Variants in CDH20 observed in about 807,000 individuals in gnomAD.
The protein encoded by CDH20 is cadherin-20.
Under a neutral mutation model 74.2 loss-of-function variants are expected in CDH20, and 29 were observed. The observed-to-expected ratio is 0.39, with a 90% CI of 0.29 to 0.53. CDH20 has a LOEUF of 0.53. CDH20 is among the 20% of genes least tolerant of loss of function. The pLI is 0.69. For missense variants in CDH20, 988 were observed against 1,048.3 expected (o/e 0.94, Z 0.79); for synonymous variants, 469 against 405.4 (o/e 1.16, Z -1.88).
intron 1 of CDH20, among the ~76,000 whole-genome samples, chr18:61,372,025 A>G (rs1426584615): frequency 6.6e-6 from 1 of 152,120 alleles, no homozygotes; most frequent in Non-Finnish European, 1.5e-5. Flanking sequence ...TCACTGTAGT[A>G]AAAACATGAG....
chr18:61,491,998 A>G (rs1010028755), intron 2 of CDH20, among the ~76,000 whole-genome samples: 2 of 151,854 alleles, frequency 1.3e-5, no homozygotes, highest in African/African-American at 4.8e-5. Context: ...TGGACTCGCC[A>G]CCTCTGCAGT....
intron 1 of CDH20, among the ~76,000 whole-genome samples, chr18:61,341,081 C>G (rs1018968828): frequency 2.6e-5 from 4 of 152,178 alleles, no homozygotes; most frequent in African/African-American, 9.7e-5. Context: ...GAGAAACTAA[C>G]TGGGTGATAC....
intron 6 of CDH20, among the ~76,000 whole-genome samples, chr18:61,515,133 T>C (rs957366885): frequency 6.6e-6 from 1 of 152,070 alleles, no homozygotes; most frequent in African/African-American, 2.4e-5. Context: ...CTCAGACTGT[T>C]GTGCTAGCAA....
At chr18:61,518,056 G>A (rs1912067926) in intron 6 of CDH20, among the ~76,000 whole-genome samples, 1 of 152,150 alleles carries the variant, frequency 6.6e-6, no homozygotes, top group South Asian at 2.1e-4. Context: ...ACGGTACCTA[G>A]ACTGCCTCTC....
chr18:61,372,989 G>C (rs1911093955), intron 1 of CDH20, among the ~76,000 whole-genome samples: 1 of 152,092 alleles, frequency 6.6e-6, no homozygotes, highest in African/African-American at 2.4e-5. Context: ...GGACCAAAAG[G>C]AGGCTGAATG....
chr18:61,457,661 T>C (rs1370316451), intron 1 of CDH20, among the ~76,000 whole-genome samples: 1 of 152,204 alleles, frequency 6.6e-6, no homozygotes. Flanking sequence ...GGATCAAATA[T>C]GATGGAAGGA....
intron 1 of CDH20, among the ~76,000 whole-genome samples, chr18:61,469,822 C>T (rs1910100244): frequency 6.6e-6 from 1 of 152,152 alleles, no homozygotes; most frequent in South Asian, 2.1e-4. Context: ...CATACACATA[C>T]ATACACACAT....
At chr18:61,465,300 C>T (rs941736843) in intron 1 of CDH20, among the ~76,000 whole-genome samples, 15 of 152,292 alleles carry the variant, frequency 9.8e-5, no homozygotes, top group Admixed American at 7.8e-4. Context: ...AATCTATTAA[C>T]TCTAGTCATT....
At chr18:61,530,753 A>C (rs1912609672) in intron 7 of CDH20, among the ~76,000 whole-genome samples, 1 of 152,194 alleles carries the variant, frequency 6.6e-6, no homozygotes, top group Non-Finnish European at 1.5e-5. Flanking sequence ...GGCAGGCAGG[A>C]TACTGAGCCA....
Position 61,555,083 on chromosome 18 carries a change from T to C in CDH20, c.*388T>C. ...GATGCCAATTGAAAGCAGAAAGTTC[T>C]ACTCTCGTATCTGTTTTTTATCTTA... On this transcript the variant is annotated 3_prime_UTR_variant, in exon 12 of 12. Coordinates refer to ENST00000262717, the MANE Select transcript of CDH20 (RefSeq NM_031891.4). The C allele has an allele frequency of 9.6e-7, 1 of 1,044,622 alleles. No homozygotes were observed. The highest frequency in any genetic ancestry group is 1.2e-6 in the Non-Finnish European group (1 of 867,732). The allele number at this position is 1,044,622 out of a possible 1,614,324, so 64.7% of individuals were successfully genotyped here.
intron 1 of CDH20, among the ~76,000 whole-genome samples, chr18:61,339,911 C>T (rs987617947): frequency 1.3e-5 from 2 of 151,770 alleles, no homozygotes; most frequent in Admixed American, 6.6e-5. Context: ...AGGATGGTCT[C>T]GATCTGCTGA....
At chr18:61,448,086 G>T (rs1358218397) in intron 1 of CDH20, among the ~76,000 whole-genome samples, 2 of 152,182 alleles carry the variant, frequency 1.3e-5, no homozygotes, top group African/African-American at 4.8e-5. Flanking sequence ...TGAAGGTAAA[G>T]CTACCAAATA....
At chr18:61,443,887 C>T (rs1909111415) in intron 1 of CDH20, among the ~76,000 whole-genome samples, 1 of 152,060 alleles carries the variant, frequency 6.6e-6, no homozygotes, top group Admixed American at 6.6e-5. Flanking sequence ...GAGTACAACA[C>T]TGGTAGGGAT....
At chr18:61,352,525 T>C (rs1910340107) in intron 1 of CDH20, among the ~76,000 whole-genome samples, 1 of 152,230 alleles carries the variant, frequency 6.6e-6, no homozygotes, top group Non-Finnish European at 1.5e-5. Context: ...GTACTAATTA[T>C]TACAGCATTC....
At chr18:61,542,066 G>T (rs1025988883) in intron 9 of CDH20, among the ~76,000 whole-genome samples, 1 of 152,148 alleles carries the variant, frequency 6.6e-6, no homozygotes, top group Non-Finnish European at 1.5e-5. Context: ...CAATACGCAG[G>T]CCAGATATTC....
chr18:61,496,609 G>T (rs933991663), intron 2 of CDH20, among the ~76,000 whole-genome samples: 1 of 152,140 alleles, frequency 6.6e-6, no homozygotes, highest in African/African-American at 2.4e-5. Flanking sequence ...TGCCGCTGTC[G>T]CTGTCGTTTC....
At position 61,527,858 on chromosome 18, in the gene CDH20, T is replaced by C. The variant is rs1395610843; in HGVS notation, c.1018-109T>C. 8 of 999,942 alleles carry C rather than the reference T, an allele frequency of 8.0e-6. No homozygotes were observed. The East Asian group carries it at 1.4e-4, about 18-fold the overall frequency. The allele number at this position is 999,942 out of a possible 1,614,324, so 61.9% of individuals were successfully genotyped here. A position where few individuals can be genotyped will look rare whatever the true frequency, so the allele number is the denominator to read the frequency against. On this transcript the variant is annotated intron_variant, in intron 6 of 11. Coordinates refer to ENST00000262717, the MANE Select transcript of CDH20 (RefSeq NM_031891.4). ...GTTTACCTTTTTCCCACTTAATGAA[T>C]TGGAGAATCTTCCCACCAGCCATCA...
chr18:61,433,271 G>A (rs531416624), intron 1 of CDH20, among the ~76,000 whole-genome samples: 12 of 152,142 alleles, frequency 7.9e-5, no homozygotes, highest in Non-Finnish European at 1.3e-4. Context: ...ACTAATATGT[G>A]TTTAGTCAAA....
intron 1 of CDH20, among the ~76,000 whole-genome samples, chr18:61,385,583 G>A (rs996340101): frequency 7.0e-6 from 1 of 141,928 alleles, no homozygotes; most frequent in Non-Finnish European, 1.5e-5. Flanking sequence ...AAAAAATTTG[G>A]GGAAAAAAAA....
Sources: allele counts gnomAD v4.1 joint callset (sites outside exome capture counted in the v4.1 genomes callset), GRCh38; gene constraint gnomAD v4.1.1; transcripts MANE v1.5; gene names NCBI Gene and HGNC (gene_info 2026-07-23, HGNC 2026-07-21).